MAML3: variants seen among roughly 807,000 people sequenced by gnomAD.
MAML3 encodes the protein mastermind like transcriptional coactivator 3, also known as mastermind-like protein 3.
In MAML3, 27 loss-of-function variants were observed where a neutral mutation model predicts 101.9. The observed-to-expected ratio is 0.27, with a 90% CI of 0.20 to 0.37. The LOEUF (loss-of-function observed/expected upper bound fraction) is 0.37. Among genes scored for constraint, MAML3 ranks in the 10% least tolerant of loss-of-function variants. The pLI is 1.00. For missense variants in MAML3, 1,316 were observed against 1,444.9 expected (o/e 0.91, Z 1.45); for synonymous variants, 501 against 555.9 (o/e 0.90, Z 1.39).
rs550866650 is a variant in MAML3, at chr4:139,809,853, T to A, written c.2080-79186A>T. Among the ~76,000 whole-genome samples, 6 of 139,716 alleles carry A rather than the reference T, an allele frequency of 4.3e-5. No homozygotes were observed. The South Asian group carries it at 1.4e-3, about 32-fold the overall frequency. 91.7% of individuals were successfully genotyped at this position (139,716 alleles called of 152,430 possible). On this transcript the variant is annotated intron_variant, in intron 2 of 4. Transcript: ENST00000509479. ...TGGGCTGATTAAAGAAATACACATT[T>A]ATACCTGCACGTACACACACACACA...
intron 1 of MAML3, among the ~76,000 whole-genome samples, chr4:140,073,811 G>A (rs1010851368): frequency 3.3e-5 from 5 of 152,102 alleles, no homozygotes; most frequent in Non-Finnish European, 5.9e-5. Context: ...CAGGAGGCCT[G>A]GTTTGGAGCA....
At chr4:139,746,985 C>G (rs1054546043) in intron 2 of MAML3, among the ~76,000 whole-genome samples, 9 of 152,254 alleles carry the variant, frequency 5.9e-5, no homozygotes, top group African/African-American at 2.2e-4. Flanking sequence ...CCGTGGCTTT[C>G]CCTCATGGCC....
At chr4:140,151,387 G>A (rs990411312) in intron 1 of MAML3, among the ~76,000 whole-genome samples, 5 of 152,058 alleles carry the variant, frequency 3.3e-5, no homozygotes, top group Non-Finnish European at 2.9e-5. Flanking sequence ...TGCGGGGTGG[G>A]GGGACGTGGG....
chr4:140,064,393 C>A (rs184060983), intron 1 of MAML3, among the ~76,000 whole-genome samples: 1 of 152,242 alleles, frequency 6.6e-6, no homozygotes, highest in African/African-American at 2.4e-5. Flanking sequence ...AAGCCTTTTG[C>A]GTTTTGATAA....
Position 140,127,295 on chromosome 4 carries a change from G to T in MAML3, c.468+25565C>A, listed in dbSNP as rs1450580850. ...CCATGGAGCCCTCAGGTTCTTGCAG[G>T]GGAGGGGCAGTAAACCAGATGGTTG... On this transcript the variant is annotated intron_variant, in intron 1 of 4. Transcript: ENST00000509479. 5.3e-5 allele frequency among the ~76,000 whole-genome samples: 8 copies of T among 152,340 alleles called. No individual in the cohort carries two copies. The East Asian group carries it at 1.5e-3, about 29-fold the overall frequency.
At chr4:140,108,358 G>A (rs1546716) in intron 1 of MAML3, among the ~76,000 whole-genome samples, 106,199 of 151,422 alleles carry the variant, frequency 0.7, 40,615 homozygotes, top group East Asian at 0.91. Flanking sequence ...CTGCACTGTC[G>A]TCATTTAATG....
At chr4:139,829,831 AT>A (rs1422686043) in intron 2 of MAML3, among the ~76,000 whole-genome samples, 1 of 152,214 alleles carries the variant, frequency 6.6e-6, no homozygotes, top group Admixed American at 6.5e-5. Context: ...GTCAAATGAC[AT>A]TTGGAATTTT....
chr4:139,766,504 G>A (rs1729862413), intron 2 of MAML3, among the ~76,000 whole-genome samples: 1 of 152,116 alleles, frequency 6.6e-6, no homozygotes, highest in Non-Finnish European at 1.5e-5. Flanking sequence ...TAGATGCCAA[G>A]GTAGTGTCAA....
chr4:139,887,763 C>T (rs1009070631), intron 2 of MAML3, among the ~76,000 whole-genome samples: 3 of 152,194 alleles, frequency 2.0e-5, no homozygotes, highest in African/African-American at 7.2e-5. Context: ...TTTGTATTAA[C>T]AACAGACCAT....
rs1311397900 is a variant in MAML3 at position 139,735,433 on chromosome 4, G to T, written c.2080-4766C>A. On this transcript the variant is annotated intron_variant, in intron 2 of 4. Coordinates refer to ENST00000509479, the MANE Select transcript of MAML3 (RefSeq NM_018717.5). The surrounding 1 kb of genome is among the most constrained non-coding windows in gnomAD (Gnocchi z 5.8). Reference sequence around the variant, plus strand: ...GAAGGGGACGTGGAGGGAAACGGAAGGGCTGGGAGTGGGGTAGGGGGGCAG... The same window carrying T: ...GAAGGGGACGTGGAGGGAAACGGAATGGCTGGGAGTGGGGTAGGGGGGCAG... 6.6e-6 allele frequency among the ~76,000 whole-genome samples: 1 copy of T among 151,814 alleles called. No homozygotes were observed. The highest frequency in any genetic ancestry group is 2.1e-4 in the South Asian group (1 of 4,810).
chr4:139,876,511 T>C (rs1280890293), intron 2 of MAML3, among the ~76,000 whole-genome samples: 1 of 152,230 alleles, frequency 6.6e-6, no homozygotes, highest in Non-Finnish European at 1.5e-5. Flanking sequence ...CACTCAGATG[T>C]GAATCGCCTC....
At chr4:139,848,353 T>G (rs1028727961) in intron 2 of MAML3, among the ~76,000 whole-genome samples, 3 of 152,222 alleles carry the variant, frequency 2.0e-5, no homozygotes, top group Non-Finnish European at 4.4e-5. Flanking sequence ...CATATTCCAG[T>G]CATTAACAAA....
At chr4:140,033,713 A>G (rs13116165) in intron 1 of MAML3, among the ~76,000 whole-genome samples, 19,760 of 152,218 alleles carry the variant, frequency 0.13, 2,453 homozygotes, top group East Asian at 0.56. Context: ...CCACATATAT[A>G]AAATGAGGAT....
intron 2 of MAML3, among the ~76,000 whole-genome samples, chr4:139,876,635 T>C (rs1732120637): frequency 6.6e-6 from 1 of 152,224 alleles, no homozygotes; most frequent in Admixed American, 6.5e-5. Context: ...TCATTCTTAT[T>C]GCACTGATCT....
chr4:139,979,931 A>T (rs989389448), intron 1 of MAML3, among the ~76,000 whole-genome samples: 42 of 152,182 alleles, frequency 2.8e-4, no homozygotes, highest in African/African-American at 1.0e-3. Context: ...TGCCAATAGT[A>T]AGTAGGAATA....
intron 1 of MAML3, among the ~76,000 whole-genome samples, chr4:140,132,639 C>A (rs1192147527): frequency 6.6e-6 from 1 of 152,232 alleles, no homozygotes; most frequent in Non-Finnish European, 1.5e-5. Flanking sequence ...AAGAAGGCAA[C>A]GTCTGCAAGC....
At chr4:139,942,832 T>C (rs1021584120) in intron 1 of MAML3, among the ~76,000 whole-genome samples, 1 of 152,186 alleles carries the variant, frequency 6.6e-6, no homozygotes, top group Non-Finnish European at 1.5e-5. Context: ...AAAGCAGATA[T>C]CTGTGAAATC....
intron 2 of MAML3, among the ~76,000 whole-genome samples, chr4:139,748,211 G>A (rs909667166): frequency 2.0e-5 from 3 of 152,094 alleles, no homozygotes; most frequent in Admixed American, 2.0e-4. Context: ...ACATTGTCCA[G>A]GGCCTAAACA....
chr4:139,927,157 C>G (rs1057151891), intron 1 of MAML3, among the ~76,000 whole-genome samples: 5 of 147,706 alleles, frequency 3.4e-5, no homozygotes, highest in Non-Finnish European at 4.4e-5. Flanking sequence ...CTCCTGACTT[C>G]AAGTGATCCA....
Sources: gnomAD v4.1 joint callset for allele counts (sites outside exome capture counted in the v4.1 genomes callset) on GRCh38, gnomAD v4.1.1 for gene constraint, Gnocchi (gnomAD v3.1) non-coding constraint, MANE v1.5 for transcripts, NCBI Gene and HGNC (gene_info 2026-07-23, HGNC 2026-07-21) for gene names.